Variants in NLGN1 observed in about 807,000 individuals in gnomAD.
NLGN1 encodes neuroligin 1, also known as neuroligin-1.
A neutral mutation model predicts 65.5 loss-of-function variants in NLGN1; 12 were observed. The ratio of observed to expected loss-of-function variants is 0.18; its 90% CI spans 0.12 to 0.30. The LOEUF (loss-of-function observed/expected upper bound fraction) is 0.30. Among genes scored for constraint, NLGN1 ranks in the 10% least tolerant of loss-of-function variants. The pLI, the probability that NLGN1 is intolerant of heterozygous loss-of-function variation, is 1.00. For missense variants in NLGN1, 750 were observed against 1,007.1 expected, an observed-to-expected ratio of 0.74 and a Z score of 3.46; for synonymous variants, 350 against 359.5, an observed-to-expected ratio of 0.97 and a Z score of 0.30.
At chr3:174,008,790 C>A (rs1724951526) in intron 4 of NLGN1, among the ~76,000 whole-genome samples, 1 of 151,278 alleles carries the variant, frequency 6.6e-6, no homozygotes, top group Admixed American at 6.6e-5. Flanking sequence ...CTTTCACAAT[C>A]TTGCATGTAT....
chr3:173,765,071 TGTG>T (rs1368106718), intron 3 of NLGN1, among the ~76,000 whole-genome samples: 1 of 149,526 alleles, frequency 6.7e-6, no homozygotes, highest in Non-Finnish European at 1.5e-5. Context: ...TGTGTGTGTG[TGTG>T]TGTGTGTGTG....
chr3:173,674,414 G>T (rs935817015), intron 3 of NLGN1, among the ~76,000 whole-genome samples: 1 of 152,030 alleles, frequency 6.6e-6, no homozygotes, highest in African/African-American at 2.4e-5. Context: ...GAGGCTTAGG[G>T]AGTTTAAATA....
At chr3:174,026,109 A>G (rs1478335437) in intron 4 of NLGN1, among the ~76,000 whole-genome samples, 1 of 151,986 alleles carries the variant, frequency 6.6e-6, no homozygotes, top group Non-Finnish European at 1.5e-5. Flanking sequence ...ATTAATGTAG[A>G]TGATTTATTT....
At chr3:173,693,482 AAT>A in intron 3 of NLGN1, among the ~76,000 whole-genome samples, 1 of 152,242 alleles carries the variant, frequency 6.6e-6, no homozygotes, top group Non-Finnish European at 1.5e-5. Context: ...TTAAAGTATT[AAT>A]AGAGTATTTA....
Position 174,204,491 on chromosome 3 carries a change from C to T in NLGN1, c.647-70824C>T, listed in dbSNP as rs554558237. Among the ~76,000 whole-genome samples, 8 of 152,274 alleles carry T rather than the reference C, an allele frequency of 5.3e-5. No homozygotes were observed. The South Asian group carries it at 1.7e-3, about 32-fold the overall frequency. ...GCATCCACGGATGTTAACTGAAGTC[C>T]TACATGTTCTCAGTAGAGTGTGTCA... On this transcript the variant is annotated intron_variant, in intron 4 of 6. Transcript: ENST00000457714.
chr3:174,227,223 C>T (rs866956740), intron 4 of NLGN1, among the ~76,000 whole-genome samples: 6 of 152,274 alleles, frequency 3.9e-5, no homozygotes, highest in Non-Finnish European at 7.4e-5. Flanking sequence ...TAAACATCTA[C>T]GGCAACTTTA....
intron 4 of NLGN1, among the ~76,000 whole-genome samples, chr3:174,182,463 G>C (rs1462848880): frequency 6.6e-6 from 1 of 152,124 alleles, no homozygotes; most frequent in African/African-American, 2.4e-5. Context: ...TGGGCATGGA[G>C]AACTGAAACT....
chr3:173,446,041 T>C (rs1180784625), intron 2 of NLGN1, among the ~76,000 whole-genome samples: 1 of 151,860 alleles, frequency 6.6e-6, no homozygotes, highest in Non-Finnish European at 1.5e-5. Context: ...ATTTTCCTTC[T>C]TTTTTCTTTT....
intron 4 of NLGN1, among the ~76,000 whole-genome samples, chr3:174,260,752 C>T (rs1180120393): frequency 2.0e-5 from 3 of 150,540 alleles, no homozygotes; most frequent in Non-Finnish European, 2.9e-5. Context: ...GACATGAAGT[C>T]CTTGCCCATG....
At chr3:173,971,430 G>GGATGAT (rs200908279) in intron 4 of NLGN1, among the ~76,000 whole-genome samples, 2 of 151,794 alleles carry the variant, frequency 1.3e-5, no homozygotes, top group African/African-American at 2.4e-5. Flanking sequence ...GAGAGACAGA[G>GGATGAT]GATGATGATG....
At position 173,831,322 on chromosome 3, in the gene NLGN1, C is replaced by A. The variant is rs573019333; in HGVS notation, c.646+23490C>A. On this transcript the variant is annotated intron_variant, in intron 4 of 6. Coordinates refer to ENST00000457714, the Ensembl canonical transcript of NLGN1. ...ATATATCAACCACATCTCTTATCTG[C>A]AAAATAAAAGAGAAGATAAAAGGAA... Among the ~76,000 whole-genome samples, 3 of 152,108 alleles carry A rather than the reference C, an allele frequency of 2.0e-5. No homozygotes were observed. The South Asian group carries it at 6.2e-4, about 32-fold the overall frequency.
At chr3:173,752,445 T>C (rs1776440192) in intron 3 of NLGN1, among the ~76,000 whole-genome samples, 1 of 152,184 alleles carries the variant, frequency 6.6e-6, no homozygotes, top group Non-Finnish European at 1.5e-5. Flanking sequence ...GCTGCTTTTT[T>C]CCCAGCTCAC....
intron 1 of NLGN1, among the ~76,000 whole-genome samples, chr3:173,420,392 A>C (rs981634781): frequency 4.6e-5 from 7 of 152,012 alleles, no homozygotes; most frequent in Non-Finnish European, 1.0e-4. Flanking sequence ...CCATGTCCCT[A>C]CAAAGGACAT....
chr3:174,065,912 C>G (rs1343580723), intron 4 of NLGN1, among the ~76,000 whole-genome samples: 2 of 152,110 alleles, frequency 1.3e-5, no homozygotes, highest in African/African-American at 4.8e-5. Context: ...ATGCAAGGAA[C>G]TGAATCTTGC....
At chr3:173,698,893 G>A (rs780498928) in intron 3 of NLGN1, among the ~76,000 whole-genome samples, 13 of 152,144 alleles carry the variant, frequency 8.5e-5, no homozygotes, top group Admixed American at 3.9e-4. Flanking sequence ...TTTCCCTCTT[G>A]TTGCCGAGGC....
At chr3:173,733,174 T>C (rs1773143250) in intron 3 of NLGN1, among the ~76,000 whole-genome samples, 1 of 152,130 alleles carries the variant, frequency 6.6e-6, no homozygotes, top group Non-Finnish European at 1.5e-5. Context: ...TGAATTGTCT[T>C]CTTGGCTGAT....
chr3:173,435,531 C>A (rs1440957596), intron 2 of NLGN1, among the ~76,000 whole-genome samples: 1 of 151,974 alleles, frequency 6.6e-6, no homozygotes, highest in East Asian at 1.9e-4. Flanking sequence ...TCAATAAAGT[C>A]ATTTTTAGAA....
At chr3:173,584,407 T>A (rs913931994) in intron 2 of NLGN1, 1 of 131,600 alleles carries the variant, frequency 7.6e-6, no homozygotes, top group African/African-American at 2.9e-5. Flanking sequence ...GCATTTTTTT[T>A]TTTTTTTTTT....
chr3:174,203,846 T>G (rs2152779163), intron 4 of NLGN1, among the ~76,000 whole-genome samples: 1 of 152,302 alleles, frequency 6.6e-6, no homozygotes, highest in East Asian at 1.9e-4. Context: ...AATCATTCCT[T>G]ATTAAAAAAA....
Sources: allele counts gnomAD v4.1 joint callset (sites outside exome capture counted in the v4.1 genomes callset), GRCh38; gene constraint gnomAD v4.1.1; transcripts MANE v1.5; gene names NCBI Gene and HGNC (gene_info 2026-07-23, HGNC 2026-07-21).